The following LGSN variants were observed in gnomAD, a reference collection of about 807,000 sequenced individuals.
LGSN encodes lengsin.
Under a neutral mutation model 19.5 loss-of-function variants are expected in LGSN, and 21 were observed. The observed-to-expected ratio is 1.07, with a 90% CI of 0.76 to 1.55. The LOEUF (loss-of-function observed/expected upper bound fraction) is 1.55. Among genes scored for constraint, LGSN ranks in the 40% most tolerant of loss-of-function variants. The pLI is 0.00. For synonymous variants in LGSN, 257 were observed against 215.6 expected, an observed-to-expected ratio of 1.19 and a Z score of -1.68; for missense variants, 673 against 608.5, an observed-to-expected ratio of 1.11 and a Z score of -1.12.
chr6:63,474,836 T>C, the LGSN span, among the ~76,000 whole-genome samples: 1 of 150,142 alleles, frequency 6.7e-6, no homozygotes, highest in Non-Finnish European at 1.5e-5. Context: ...GGCAGGAGAA[T>C]TGCTTGAACC....
chr6:63,432,830 ACAT>A, the LGSN span, among the ~76,000 whole-genome samples: 3 of 152,264 alleles, frequency 2.0e-5, no homozygotes, highest in Non-Finnish European at 4.4e-5. Flanking sequence ...CCCCAGAGGT[ACAT>A]GTTTACACTT....
chr6:63,534,179 T>C, the LGSN span, among the ~76,000 whole-genome samples: 2 of 151,916 alleles, frequency 1.3e-5, no homozygotes, highest in African/African-American at 2.4e-5. Flanking sequence ...CTGCCATTCA[T>C]CACAAATTGA....
At chr6:63,410,679 G>A in the LGSN span, among the ~76,000 whole-genome samples, 149 of 152,250 alleles carry the variant, frequency 9.8e-4, 2 homozygotes, top group African/African-American at 3.3e-3. Context: ...TGCAATGAAC[G>A]CAGTTTAAAA....
At chr6:63,514,469 CG>C in the LGSN span, among the ~76,000 whole-genome samples, 1 of 152,156 alleles carries the variant, frequency 6.6e-6, no homozygotes, top group Non-Finnish European at 1.5e-5. Context: ...CCCAAGTGTC[CG>C]CCCACCTCGG....
the LGSN span, among the ~76,000 whole-genome samples, chr6:63,473,045 G>A: frequency 2.0e-5 from 3 of 152,030 alleles, no homozygotes; most frequent in Non-Finnish European, 4.4e-5. Context: ...AATTAGGATG[G>A]GGTGAAAAAT....
At chr6:63,549,636 T>A in the LGSN span, 1 of 474,724 alleles carries the variant, frequency 2.1e-6, no homozygotes, top group African/African-American at 2.0e-5. Flanking sequence ...CATACAAAAA[T>A]GGAATCCTGT....
the LGSN span, among the ~76,000 whole-genome samples, chr6:63,496,295 TCCTC>T: frequency 1.4e-3 from 210 of 152,340 alleles, no homozygotes; most frequent in African/African-American, 4.9e-3. Context: ...ATTAGTCCCT[TCCTC>T]AGCTAGATTT....
chr6:63,455,383 C>A, the LGSN span, among the ~76,000 whole-genome samples: 1 of 152,178 alleles, frequency 6.6e-6, no homozygotes, highest in South Asian at 2.1e-4. Flanking sequence ...CAATGCATAG[C>A]CAATCAATAG....
the LGSN span, among the ~76,000 whole-genome samples, chr6:63,506,918 C>T: frequency 6.6e-6 from 1 of 152,200 alleles, no homozygotes; most frequent in East Asian, 1.9e-4. Context: ...GTTCACGTGA[C>T]ACTATCTTAC....
the LGSN span, among the ~76,000 whole-genome samples, chr6:63,378,213 C>T: frequency 6.6e-6 from 1 of 152,064 alleles, no homozygotes; most frequent in African/African-American, 2.4e-5. Context: ...ATGGAGACAA[C>T]ATCTCATATC....
intron 1 of LGSN, among the ~76,000 whole-genome samples, chr6:63,312,787 T>C (rs1411338858): frequency 2.0e-5 from 3 of 152,150 alleles, no homozygotes; most frequent in Non-Finnish European, 2.9e-5. Flanking sequence ...GAAATGAGCA[T>C]AGTGCAGACA....
At chr6:63,310,660 G>A (rs1281355874) in intron 1 of LGSN, among the ~76,000 whole-genome samples, 1 of 152,030 alleles carries the variant, frequency 6.6e-6, no homozygotes. Flanking sequence ...AAAAATGAGG[G>A]TCCTGGAAGA....
the LGSN span, among the ~76,000 whole-genome samples, chr6:63,407,107 G>A: frequency 6.6e-6 from 1 of 151,896 alleles, no homozygotes; most frequent in Non-Finnish European, 1.5e-5. Flanking sequence ...GGTACAAGGA[G>A]GAACTGGTAC....
the LGSN span, among the ~76,000 whole-genome samples, chr6:63,362,045 T>C: frequency 6.6e-6 from 1 of 152,216 alleles, no homozygotes; most frequent in Non-Finnish European, 1.5e-5. Context: ...CAACTTGATC[T>C]TGTCCCACTG....
chr6:63,355,286 A>G, the LGSN span, among the ~76,000 whole-genome samples: 3 of 152,222 alleles, frequency 2.0e-5, no homozygotes, highest in Non-Finnish European at 4.4e-5. Flanking sequence ...ATATCCCTAC[A>G]TTCTCTTGGC....
In LGSN at chr6:63,277,473, A is replaced by G. The variant is rs1767133363; in HGVS notation, c.*2548T>C. 1 of 152,208 alleles carries G rather than the reference A, an allele frequency of 6.6e-6. No individual in the cohort carries two copies. Among genetic ancestry groups the G allele is most frequent in the Non-Finnish European group, 1.5e-5 (1 of 68,038 alleles). 9.4% of individuals were successfully genotyped at this position (152,208 alleles called of 1,614,324 possible). On this transcript the variant is annotated 3_prime_UTR_variant, in exon 4 of 4. Coordinates refer to ENST00000370657, the MANE Select transcript of LGSN (RefSeq NM_016571.3). ...CCTCAAATTCCCCACTCATATGCAC[A>G]CACTCACACACAAACACACATACAA...
At chr6:63,568,737 A>G in the LGSN span, among the ~76,000 whole-genome samples, 1 of 152,206 alleles carries the variant, frequency 6.6e-6, no homozygotes, top group South Asian at 2.1e-4. Context: ...TAATAATCAT[A>G]TAAGAAAATT....
chr6:63,278,302 A>G lies in LGSN; in HGVS notation c.*1719T>C, dbSNP rs1159285558. 1 of 152,054 alleles carries G rather than the reference A, an allele frequency of 6.6e-6. No homozygotes were observed. The highest frequency in any genetic ancestry group is 1.5e-5 in the Non-Finnish European group (1 of 68,010). 9.4% of individuals were successfully genotyped at this position (152,054 alleles called of 1,614,324 possible). The stretch of plus-strand genomic sequence containing the variant: ...AACAGAGGGGAATTTTCTAGCAGAC[A>G]GCTAGAAAATTGGCATGAGAGTCTT... On this transcript the variant is annotated 3_prime_UTR_variant, in exon 4 of 4. Transcript: ENST00000370657.
chr6:63,350,562 A>T, the LGSN span, among the ~76,000 whole-genome samples: 1 of 152,186 alleles, frequency 6.6e-6, no homozygotes, highest in Non-Finnish European at 1.5e-5. Context: ...TACAAAGTAA[A>T]CAGTTCAGGC....
Sources: gnomAD v4.1 joint callset for allele counts (sites outside exome capture counted in the v4.1 genomes callset) on GRCh38, gnomAD v4.1.1 for gene constraint, MANE v1.5 for transcripts, NCBI Gene and HGNC (gene_info 2026-07-23, HGNC 2026-07-21) for gene names.